The following PLS1 variants were observed in gnomAD, a reference collection of about 807,000 sequenced individuals.
PLS1 encodes the protein plastin 1, also known as plastin-1.
PLS1 carries 32 observed loss-of-function variants against 73.7 expected under a neutral mutation model. The ratio of observed to expected loss-of-function variants is 0.43; its 90% CI spans 0.33 to 0.58. The LOEUF is 0.58. Among genes scored for constraint, PLS1 ranks in the 20% least tolerant of loss-of-function variants. The pLI is 0.04. For missense variants in PLS1, 633 were observed against 740.5 expected (o/e 0.85, Z 1.68); for synonymous variants, 217 against 261.3 (o/e 0.83, Z 1.63).
rs199952208 is a variant in PLS1 at position 142,601,422 on chromosome 3, AT to A, written c.-37+4915del. Among the ~76,000 whole-genome samples, 54 of 152,272 alleles carry A rather than the reference AT, an allele frequency of 3.5e-4. No homozygotes were observed. The East Asian group carries it at 0.01, about 29-fold the overall frequency. The stretch of plus-strand genomic sequence containing the variant: ...AATAATAGTAATATTAGTAACTAGT[AT>A]TACAGAATATCTTCCATGAACCAGG... On this transcript the variant is annotated intron_variant, in intron 1 of 15. Coordinates refer to ENST00000457734, the MANE Select transcript of PLS1 (RefSeq NM_001145319.2).
intron 1 of PLS1, among the ~76,000 whole-genome samples, chr3:142,638,426 C>T (rs1199353889): frequency 3.9e-5 from 6 of 152,168 alleles, no homozygotes; most frequent in African/African-American, 7.2e-5. Flanking sequence ...GTAACTGTGG[C>T]CCCCTTAATT....
chr3:142,658,763 T>C (rs2037299030), intron 1 of PLS1, among the ~76,000 whole-genome samples: 2 of 152,242 alleles, frequency 1.3e-5, no homozygotes, highest in Admixed American at 6.5e-5. Context: ...GTATACATAT[T>C]GATTAAATAG....
chr3:142,658,602 C>G (rs1205994937), intron 1 of PLS1, among the ~76,000 whole-genome samples: 2 of 151,926 alleles, frequency 1.3e-5, no homozygotes, highest in African/African-American at 4.8e-5. Context: ...TTAAGTTTTA[C>G]TACATAGGTA....
chr3:142,600,210 T>G (rs1056625855), intron 1 of PLS1, among the ~76,000 whole-genome samples: 2 of 152,124 alleles, frequency 1.3e-5, no homozygotes, highest in Non-Finnish European at 2.9e-5. Flanking sequence ...AGTTCAAGGT[T>G]GAGTGTACAC....
chr3:142,615,027 A>C (rs2036190067), intron 1 of PLS1, among the ~76,000 whole-genome samples: 1 of 152,048 alleles, frequency 6.6e-6, no homozygotes, highest in Non-Finnish European at 1.5e-5. Flanking sequence ...GGATCTGGGT[A>C]GGGTGGGCAG....
intron 1 of PLS1, among the ~76,000 whole-genome samples, chr3:142,636,802 A>C (rs1212468059): frequency 6.6e-6 from 1 of 152,222 alleles, no homozygotes; most frequent in African/African-American, 2.4e-5. Context: ...GGATGGGTAG[A>C]TAAGCTCATG....
intron 2 of PLS1, among the ~76,000 whole-genome samples, chr3:142,669,109 C>T (rs373592386): frequency 2.6e-5 from 4 of 152,050 alleles, no homozygotes; most frequent in South Asian, 2.1e-4. Flanking sequence ...GGCAGTGGTG[C>T]GATCATAGCT....
intron 2 of PLS1, among the ~76,000 whole-genome samples, chr3:142,666,697 A>G (rs947795952): frequency 6.6e-6 from 1 of 152,218 alleles, no homozygotes; most frequent in Non-Finnish European, 1.5e-5. Flanking sequence ...ATAATTCCAT[A>G]TGTAATTTTT....
chr3:142,704,035 G>A (rs757075030), intron 13 of PLS1, 34 bp downstream of exon 13: 18 of 1,591,830 alleles, frequency 1.1e-5, no homozygotes, highest in Middle Eastern at 1.7e-4. Flanking sequence ...AACACTGCCT[G>A]TTTCCTCCAA....
At chr3:142,613,293 C>CGTG (rs2036156467) in intron 1 of PLS1, among the ~76,000 whole-genome samples, 1 of 151,918 alleles carries the variant, frequency 6.6e-6, no homozygotes, top group Non-Finnish European at 1.5e-5. Flanking sequence ...GCCTGGCCAA[C>CGTG]GTGGTGGAAC....
chr3:142,637,120 A>G (rs1010967131), intron 1 of PLS1, among the ~76,000 whole-genome samples: 1 of 152,230 alleles, frequency 6.6e-6, no homozygotes, highest in African/African-American at 2.4e-5. Context: ...ACAATAGTTC[A>G]TAGCAGCTTT....
chr3:142,672,175 A>G (rs2037617084), intron 4 of PLS1, among the ~76,000 whole-genome samples: 4 of 152,136 alleles, frequency 2.6e-5, no homozygotes, highest in Admixed American at 2.6e-4. Flanking sequence ...GCTGCCAACC[A>G]GAACAAGACA....
At chr3:142,679,830 C>T (rs1330223275) in intron 6 of PLS1, among the ~76,000 whole-genome samples, 15 of 152,198 alleles carry the variant, frequency 9.9e-5, no homozygotes, top group South Asian at 4.2e-4. Context: ...GGTAGCTTGA[C>T]GGGGATGGCA....
At position 142,659,825 on chromosome 3, in the gene PLS1, T is replaced by C. The variant is rs545841276; in HGVS notation, c.-36-4377T>C. On this transcript the variant is annotated intron_variant, in intron 1 of 15. Coordinates refer to ENST00000457734, the MANE Select transcript of PLS1 (RefSeq NM_001145319.2). The stretch of plus-strand genomic sequence containing the variant: ...AATTTTCCTGCCTCAGCCTCCTGAA[T>C]AGCTGGGATTACAGGTGTGTGCCAC... 5.8e-4 allele frequency among the ~76,000 whole-genome samples: 88 copies of C among 152,210 alleles called. 1 individual carries two copies. Among genetic ancestry groups the C allele is most frequent in the African/African-American group, 2.0e-3 (83 of 41,544 alleles).
intron 1 of PLS1, among the ~76,000 whole-genome samples, chr3:142,652,007 G>A (rs1021007573): frequency 3.3e-5 from 5 of 152,128 alleles, no homozygotes; most frequent in African/African-American, 4.8e-5. Context: ...GGGATTTCCA[G>A]GGGGTAGGCA....
intron 15 of PLS1, 72 bp from the exon 16 acceptor site, chr3:142,711,800 C>A: frequency 6.6e-7 from 1 of 1,510,322 alleles, no homozygotes; most frequent in South Asian, 1.2e-5. Context: ...CAAAATATTT[C>A]ACTCTTTTGT....
chr3:142,657,144 G>C (rs1402725923), intron 1 of PLS1: 3 of 152,190 alleles, frequency 2.0e-5, no homozygotes, highest in Non-Finnish European at 2.9e-5. Flanking sequence ...TGGCTACCTG[G>C]GAAACACCCC....
At chr3:142,607,460 A>G (rs1318821140) in intron 1 of PLS1, among the ~76,000 whole-genome samples, 1 of 152,184 alleles carries the variant, frequency 6.6e-6, no homozygotes, top group African/African-American at 2.4e-5. Context: ...TATTTTTAGT[A>G]GAGACGGGTT....
At chr3:142,705,479 T>C (rs553070579) in intron 14 of PLS1, among the ~76,000 whole-genome samples, 1 of 152,376 alleles carries the variant, frequency 6.6e-6, no homozygotes, top group East Asian at 1.9e-4. Context: ...TTTTCATGCA[T>C]TTCCATTGTG....
Sources: allele counts gnomAD v4.1 joint callset (sites outside exome capture counted in the v4.1 genomes callset), GRCh38; gene constraint gnomAD v4.1.1; transcripts MANE v1.5; gene names NCBI Gene and HGNC (gene_info 2026-07-23, HGNC 2026-07-21).